The following MYB variants were observed in gnomAD, a reference collection of about 807,000 sequenced individuals.
The protein encoded by MYB is transcriptional activator Myb.
In MYB, 28 loss-of-function variants were observed where a neutral mutation model predicts 92.9. The ratio of observed to expected loss-of-function variants is 0.30; its 90% CI spans 0.22 to 0.41. The LOEUF is 0.41. MYB is among the 10% of genes least tolerant of loss of function. MYB has a pLI of 1.00. For missense variants in MYB, 679 were observed against 929.3 expected, an observed-to-expected ratio of 0.73 and a Z score of 3.50; for synonymous variants, 295 against 329.1, an observed-to-expected ratio of 0.90 and a Z score of 1.12.
chr6:135,204,772 G>A (rs1012308741), intron 15 of MYB, among the ~76,000 whole-genome samples: 3 of 152,158 alleles, frequency 2.0e-5, no homozygotes, highest in Non-Finnish European at 4.4e-5. Context: ...AAGTTCCTGC[G>A]TCAGTGAGGC....
chr6:135,182,650 T>C lies in MYB; in HGVS notation c.23+1114T>C, dbSNP rs1775250357. Among the ~76,000 whole-genome samples the C allele has an allele frequency of 6.6e-6, 1 of 152,166 alleles. No individual in the cohort carries two copies. Among genetic ancestry groups the C allele is most frequent in the Non-Finnish European group, 1.5e-5 (1 of 68,036 alleles). Reference sequence around the variant, plus strand: ...CGAGGCGCGGTGACCGGACAGACCCTCGCGAAGGAGTTCTAAGGCGAAGTC... The same window carrying C: ...CGAGGCGCGGTGACCGGACAGACCCCCGCGAAGGAGTTCTAAGGCGAAGTC... On this transcript the variant is annotated intron_variant, in intron 1 of 15. Coordinates refer to ENST00000341911, the MANE Select transcript of MYB (RefSeq NM_001130173.2). The surrounding 1 kb of genome is among the most constrained non-coding windows in gnomAD (Gnocchi z 5.6).
chr6:135,209,491 C>T (rs368663911), intron 15 of MYB, among the ~76,000 whole-genome samples: 75 of 152,338 alleles, frequency 4.9e-4, no homozygotes, highest in African/African-American at 1.7e-3. Context: ...GTCTCAGCCT[C>T]CCAAAGTGCT....
chr6:135,217,369 CA>C (rs35138768), intron 15 of MYB, among the ~76,000 whole-genome samples: 2 of 145,168 alleles, frequency 1.4e-5, no homozygotes, highest in East Asian at 2.0e-4. Flanking sequence ...GACTCTGTCT[CA>C]AAAAAAAAAG....
At chr6:135,193,418 A>C (rs1442071671) in intron 6 of MYB, among the ~76,000 whole-genome samples, 1 of 152,190 alleles carries the variant, frequency 6.6e-6, no homozygotes, top group Non-Finnish European at 1.5e-5. Flanking sequence ...TTATCATAAG[A>C]ATTCCTGTGC....
intron 15 of MYB, 174 bp downstream of exon 15, chr6:135,203,498 A>T: frequency 3.0e-6 from 2 of 675,902 alleles, no homozygotes; most frequent in South Asian, 4.1e-5. Context: ...GAAAAATCCA[A>T]TAATTCCTTT....
intron 3 of MYB, among the ~76,000 whole-genome samples, chr6:135,189,169 A>G (rs1776332684): frequency 6.6e-6 from 1 of 152,072 alleles, no homozygotes; most frequent in African/African-American, 2.4e-5. Context: ...CAAGGAAACC[A>G]TTTCTCCTCC....
At position 135,201,693 on chromosome 6, in the gene MYB, G is replaced by A. The variant is rs369628182; in HGVS notation, c.2005G>A (p.Gly669Arg). The change falls in exon 14 of 16, where the codon GGG becomes AGG. Residue 669 changes from glycine (G) to arginine (R), a missense_variant. Transcript: ENST00000341911. Reference protein sequence around the residue: ...GNFFCSHHWEGDSLNTQLFTQ... With the variant: ...GNFFCSHHWERDSLNTQLFTQ... ...CTTCTTCTGCTCACACCACTGGGAAGGGGACAGTCTGAATACCCAACTGTT... is the reference window on the plus strand; with the variant it reads ...CTTCTTCTGCTCACACCACTGGGAAAGGGACAGTCTGAATACCCAACTGTT... 2 of 1,592,448 alleles carry A rather than the reference G, an allele frequency of 1.3e-6. No homozygotes were observed. The highest frequency in any genetic ancestry group is 2.7e-5 in the African/African-American group (2 of 74,008).
At chr6:135,192,704 T>C (rs942276773) in intron 6 of MYB, 146 bp downstream of exon 6, 11 of 725,994 alleles carry the variant, frequency 1.5e-5, no homozygotes, top group Non-Finnish European at 2.5e-5. Flanking sequence ...TTGAAGTAGA[T>C]AGGGTGTAGG....
Position 135,186,131 on chromosome 6 carries a change from ATCT to A in MYB, c.141+113_141+115del, listed in dbSNP as rs1348836120. The A allele has an allele frequency of 3.6e-6, 3 of 827,480 alleles. No homozygotes were observed. In the African/African-American group the frequency reaches 5.1e-5, roughly 14 times the overall value. The allele number at this position is 827,480 out of a possible 1,614,324, so 51.3% of individuals were successfully genotyped here. ...CAAGCTCATTAGCAGGCTCCTTGAG[ATCT>A]TATCCTAGCCCGCATGTGCAGCGTG... On this transcript the variant is annotated intron_variant, in intron 2 of 15. Transcript: ENST00000341911.
chr6:135,188,945 A>G (rs1328407614), intron 3 of MYB, among the ~76,000 whole-genome samples: 1 of 152,212 alleles, frequency 6.6e-6, no homozygotes, highest in East Asian at 1.9e-4. Flanking sequence ...GACTTGGCAC[A>G]CAGAGGCCCT....
At chr6:135,195,428 C>A (rs1363966082) in intron 8 of MYB, 1 of 314,410 alleles carries the variant, frequency 3.2e-6, no homozygotes, top group South Asian at 4.6e-5. Context: ...CATTTATGGA[C>A]CTTTGGCAAA....
At chr6:135,189,931 C>A in intron 4 of MYB, 48 bp downstream of exon 4, 2 of 1,541,646 alleles carry the variant, frequency 1.3e-6, no homozygotes, top group Non-Finnish European at 1.8e-6. Flanking sequence ...AGAATATTCC[C>A]AAAATGCTAA....
rs753358190 is a variant in MYB, at chr6:135,200,513, C to T, written c.1950+98C>T. The T allele has an allele frequency of 2.6e-6, 4 of 1,541,958 alleles. No individual in the cohort carries two copies. The South Asian group carries it at 3.4e-5, about 13-fold the overall frequency. ...TGTCTGCCATTGGCACTGTGCAACA[C>T]CACGACTTTTCGTGCAAGATTTTCA... On this transcript the variant is annotated intron_variant, in intron 13 of 15. Coordinates refer to ENST00000341911, the MANE Select transcript of MYB (RefSeq NM_001130173.2).
chr6:135,216,283 T>C (rs1780421803), intron 15 of MYB, among the ~76,000 whole-genome samples: 1 of 152,076 alleles, frequency 6.6e-6, no homozygotes, highest in Non-Finnish European at 1.5e-5. Flanking sequence ...AAAATAGCAT[T>C]GTGTTTGCAT....
At position 135,192,386 on chromosome 6, in the gene MYB, G is replaced by GT; in HGVS notation, c.592dup (p.Tyr198LeufsTer44). ...ATGCGTCGGAAGGTCGAACAGGAAG[G>GT]TTATCTGCAGGAGTCTTCAAAAGCC... is the stretch of plus-strand genomic sequence containing the variant. On this transcript the variant is annotated frameshift_variant, in exon 6 of 16. Coordinates refer to ENST00000341911, the MANE Select transcript of MYB (RefSeq NM_001130173.2). LOFTEE classifies it high-confidence loss of function. 1 of 1,614,218 alleles carries GT rather than the reference G, an allele frequency of 6.2e-7. No homozygotes were observed. The highest frequency in any genetic ancestry group is 8.5e-7 in the Non-Finnish European group (1 of 1,180,028).
chr6:135,189,976 A>T lies in MYB; in HGVS notation c.306+93A>T, dbSNP rs1776430978. The T allele has an allele frequency of 2.1e-6, 3 of 1,436,096 alleles. No individual in the cohort carries two copies. In the Admixed American group the frequency reaches 5.8e-5, roughly 28 times the overall value. The allele number at this position is 1,436,096 out of a possible 1,614,324, so 89.0% of individuals were successfully genotyped here. The stretch of plus-strand genomic sequence containing the variant: ...ATTTGAGGAAGCAGGTAAAATGGGC[A>T]AACAGGAAGTAGAGGACTCTATTCC... On this transcript the variant is annotated intron_variant, in intron 4 of 15. Transcript: ENST00000341911.
Position 135,181,895 on chromosome 6 carries a change from G to A in MYB, c.23+359G>A, listed in dbSNP as rs1156981970. Among the ~76,000 whole-genome samples the A allele has an allele frequency of 6.6e-6, 1 of 152,218 alleles. No individual in the cohort carries two copies. The highest frequency in any genetic ancestry group is 2.4e-5 in the African/African-American group (1 of 41,462). On this transcript the variant is annotated intron_variant, in intron 1 of 15. Transcript: ENST00000341911. This position sits in a 1 kb window ranked among gnomAD's most constrained non-coding sequence, Gnocchi z 5.3. ...TGCCTGGCTTGATGCCGCGGGTGTC[G>A]GCGAGGGATCCGCAGCGTAATTGCT...
At position 135,218,334 on chromosome 6, in the gene MYB, G is replaced by T. The variant is rs909939541; in HGVS notation, c.*354G>T. ...TCCTGTGATGGGTTTTTTGAAATTT[G>T]ACACATTAAAAGGTACTCCAGTATT... On this transcript the variant is annotated 3_prime_UTR_variant, in exon 16 of 16. Transcript: ENST00000341911. 8.1e-5 allele frequency: 22 copies of T among 271,466 alleles called. No individual in the cohort carries two copies. The highest frequency in any genetic ancestry group is 4.5e-4 in the African/African-American group (20 of 44,216). 16.8% of individuals were successfully genotyped at this position (271,466 alleles called of 1,614,324 possible).
chr6:135,197,227 A>C lies in MYB; in HGVS notation c.1470A>C (p.Leu490Phe). Reference protein sequence around the residue: ...LRKKRGQASPLATGDCSSFIF... With the variant: ...LRKKRGQASPFATGDCSSFIF... ...AAAAACGGGGCCAGGCCAGCCCCTT[A>C]GCCACTGGAGACTGTAGCTCCTTCA... is the stretch of plus-strand genomic sequence containing the variant. The change falls in exon 10 of 16, where the codon TTA becomes TTC. Residue 490 changes from leucine to phenylalanine, a missense_variant. Leu to Phe is a conservative substitution (Grantham distance 22). This residue lies in a region of MYB where 402 missense variants were observed against 434.2 expected (regional missense o/e 0.93). Coordinates refer to ENST00000341911, the MANE Select transcript of MYB (RefSeq NM_001130173.2). 1 of 1,614,040 alleles carries C rather than the reference A, an allele frequency of 6.2e-7. No individual in the cohort carries two copies. Among genetic ancestry groups the C allele is most frequent in the Non-Finnish European group, 8.5e-7 (1 of 1,179,894 alleles).
Sources: gnomAD v4.1 joint callset for allele counts (sites outside exome capture counted in the v4.1 genomes callset) on GRCh38, gnomAD v4.1.1 for gene constraint, gnomAD v4.1.1 regional missense constraint, Gnocchi (gnomAD v3.1) non-coding constraint, MANE v1.5 for transcripts, NCBI Gene and HGNC (gene_info 2026-07-23, HGNC 2026-07-21) for gene names.